The following SUGCT variants were observed in gnomAD, a reference collection of about 807,000 sequenced individuals.
The protein encoded by SUGCT is succinyl-CoA:glutarate CoA-transferase.
A neutral mutation model predicts 55.0 loss-of-function variants in SUGCT; 41 were observed. The ratio of observed to expected loss-of-function variants is 0.74; its 90% CI spans 0.58 to 0.97. The LOEUF (loss-of-function observed/expected upper bound fraction) is 0.97, where lower values mean the gene tolerates loss of function less well. SUGCT is among the 50% of genes least tolerant of loss of function. The probability of loss-of-function intolerance (pLI) is 0.00; values close to 1 mark genes in which losing one functional copy is unlikely to be tolerated. For missense variants in SUGCT, 568 were observed against 547.8 expected, an observed-to-expected ratio of 1.04 and a Z score of -0.37; for synonymous variants, 187 against 200.4, an observed-to-expected ratio of 0.93 and a Z score of 0.56.
intron 8 of SUGCT, among the ~76,000 whole-genome samples, chr7:40,286,759 A>T (rs543948691): frequency 6.6e-6 from 1 of 152,194 alleles, no homozygotes; most frequent in Non-Finnish European, 1.5e-5. Context: ...TGGCATTTCA[A>T]ATAATAACCC....
intron 12 of SUGCT, among the ~76,000 whole-genome samples, chr7:40,729,379 G>A (rs1355419807): frequency 6.6e-6 from 1 of 152,198 alleles, no homozygotes; most frequent in African/African-American, 2.4e-5. Context: ...TCTATAATGT[G>A]TGTAGCATTA....
chr7:40,157,012 C>A (rs79742752), intron 1 of SUGCT, among the ~76,000 whole-genome samples: 499 of 116,552 alleles, frequency 4.3e-3, no homozygotes, highest in South Asian at 5.7e-3. Context: ...AAGACTGTCT[C>A]AAAAAAAAAA....
intron 9 of SUGCT, among the ~76,000 whole-genome samples, chr7:40,416,839 A>G (rs1174714627): frequency 6.6e-6 from 1 of 152,052 alleles, no homozygotes; most frequent in African/African-American, 2.4e-5. Context: ...CACTGAAATT[A>G]TGCATCTTTC....
At position 40,227,776 on chromosome 7, in the gene SUGCT, T is replaced by A. The variant is rs1195798534; in HGVS notation, c.485-9859T>A. ...TCCAGGCCAGGTGCTGTGGCTCACGTCTGTAATCTCAGCACTTTCGGAGGC... is the reference window on the plus strand; with the variant it reads ...TCCAGGCCAGGTGCTGTGGCTCACGACTGTAATCTCAGCACTTTCGGAGGC... On this transcript the variant is annotated intron_variant, in intron 6 of 13. Coordinates refer to ENST00000335693, the MANE Select transcript of SUGCT (RefSeq NM_001193313.2). Among the ~76,000 whole-genome samples the A allele has an allele frequency of 2.0e-5, 3 of 151,980 alleles. No individual in the cohort carries two copies. In the East Asian group the frequency reaches 5.8e-4, roughly 29 times the overall value.
intron 12 of SUGCT, among the ~76,000 whole-genome samples, chr7:40,589,470 T>C (rs1797592520): frequency 6.6e-6 from 1 of 152,082 alleles, no homozygotes; most frequent in Non-Finnish European, 1.5e-5. Context: ...AGTCCTCACA[T>C]GGTAAAGGAC....
chr7:40,557,642 A>G (rs977759978), intron 12 of SUGCT, among the ~76,000 whole-genome samples: 1 of 151,936 alleles, frequency 6.6e-6, no homozygotes, highest in Non-Finnish European at 1.5e-5. Context: ...GCATGGTGGC[A>G]TGTGCCTGTA....
chr7:40,551,213 C>A (rs1029681978), intron 12 of SUGCT, among the ~76,000 whole-genome samples: 1 of 152,158 alleles, frequency 6.6e-6, no homozygotes, highest in Non-Finnish European at 1.5e-5. Flanking sequence ...CCCACTCCAC[C>A]CTTTGGTGAT....
rs1787238445 is a variant in SUGCT, at chr7:40,737,702, A to AT, written c.1090-11727dup. ...TACGGGGATAACTGGTATTGATTACATTTTTATTTTGTTAAGTTAAATATG... is the reference window on the plus strand; with the variant it reads ...TACGGGGATAACTGGTATTGATTACATTTTTTATTTTGTTAAGTTAAATATG... On this transcript the variant is annotated intron_variant, in intron 12 of 13. Transcript: ENST00000335693. Among the ~76,000 whole-genome samples, 3 of 152,316 alleles carry AT rather than the reference A, an allele frequency of 2.0e-5. No homozygotes were observed. In the South Asian group the frequency reaches 6.2e-4, roughly 32 times the overall value.
At chr7:40,494,944 C>T (rs909130992) in intron 11 of SUGCT, among the ~76,000 whole-genome samples, 9 of 151,664 alleles carry the variant, frequency 5.9e-5, no homozygotes, top group Non-Finnish European at 1.0e-4. Flanking sequence ...GAGTTTTGCT[C>T]TTGTTGTCCA....
rs1794080666 is a variant in SUGCT, at chr7:40,854,720, T to C, written c.1154-5596T>C. 2.0e-5 allele frequency among the ~76,000 whole-genome samples: 3 copies of C among 152,012 alleles called. 1 individual carries two copies. The highest frequency in any genetic ancestry group is 6.6e-5 in the Admixed American group (1 of 15,252). On this transcript the variant is annotated intron_variant, in intron 13 of 13. Transcript: ENST00000335693. ...TACTTGGGAGGCTGAGGTAGGACGA[T>C]GAGGCCAGGAGTTTGAGACCAGCCT...
intron 12 of SUGCT, among the ~76,000 whole-genome samples, chr7:40,588,206 T>G (rs1797504448): frequency 6.6e-6 from 1 of 152,008 alleles, no homozygotes. Context: ...CCAGCCCTCC[T>G]TTTGTATTTC....
At chr7:40,998,166 A>C in the SUGCT span, among the ~76,000 whole-genome samples, 22 of 152,312 alleles carry the variant, frequency 1.4e-4, no homozygotes, top group African/African-American at 5.3e-4. Flanking sequence ...CAGGAGGTTG[A>C]GACCAACCGG....
At chr7:40,317,744 A>G (rs976532402) in intron 9 of SUGCT, among the ~76,000 whole-genome samples, 8 of 152,224 alleles carry the variant, frequency 5.3e-5, no homozygotes, top group Non-Finnish European at 1.2e-4. Context: ...TTTAGCTTTA[A>G]GACATTATTT....
At chr7:40,773,132 A>G (rs773947511) in intron 13 of SUGCT, among the ~76,000 whole-genome samples, 2 of 151,922 alleles carry the variant, frequency 1.3e-5, no homozygotes, top group Non-Finnish European at 2.9e-5. Context: ...TTGAATTAGT[A>G]TCTTTCTTTT....
chr7:40,161,411 A>G (rs1784140808), intron 1 of SUGCT, among the ~76,000 whole-genome samples: 1 of 151,998 alleles, frequency 6.6e-6, no homozygotes, highest in Non-Finnish European at 1.5e-5. Flanking sequence ...TCACACTCTT[A>G]ACACTGCAAC....
chr7:40,418,756 C>T (rs1157909292), intron 9 of SUGCT, among the ~76,000 whole-genome samples: 2 of 152,072 alleles, frequency 1.3e-5, no homozygotes, highest in Non-Finnish European at 2.9e-5. Flanking sequence ...CACTGGTTAC[C>T]ATGAGGGTCT....
intron 13 of SUGCT, among the ~76,000 whole-genome samples, chr7:40,783,049 G>T (rs1789835400): frequency 6.6e-6 from 1 of 152,148 alleles, no homozygotes; most frequent in Admixed American, 6.6e-5. Flanking sequence ...TTGGAGTCCA[G>T]TTGATTCTGT....
rs181067943 is a variant in SUGCT, at chr7:40,194,289, G to T, written c.364-651G>T. ...TGTTTAGGTCTGTTTTTGGAGACAA[G>T]GTCTAACAGTCTCCCAGGCTGGAGT... is the stretch of plus-strand genomic sequence containing the variant. On this transcript the variant is annotated intron_variant, in intron 5 of 13. Coordinates refer to ENST00000335693, the MANE Select transcript of SUGCT (RefSeq NM_001193313.2). Among the ~76,000 whole-genome samples, 3 of 152,148 alleles carry T rather than the reference G, an allele frequency of 2.0e-5. No homozygotes were observed. In the East Asian group the frequency reaches 5.8e-4, roughly 29 times the overall value.
intron 6 of SUGCT, among the ~76,000 whole-genome samples, chr7:40,210,236 C>G (rs2150790233): frequency 6.6e-6 from 1 of 151,804 alleles, no homozygotes; most frequent in Non-Finnish European, 1.5e-5. Context: ...TTAGTAGAGA[C>G]AGAGTTTCAC....
Sources: gnomAD v4.1 joint callset for allele counts (sites outside exome capture counted in the v4.1 genomes callset) on GRCh38, gnomAD v4.1.1 for gene constraint, MANE v1.5 for transcripts, NCBI Gene and HGNC (gene_info 2026-07-23, HGNC 2026-07-21) for gene names.